EDIL3: variants seen among roughly 807,000 people sequenced by gnomAD.
EDIL3 encodes EGF-like repeat and discoidin I-like domain-containing protein 3.
EDIL3 carries 37 observed loss-of-function variants against 67.4 expected under a neutral mutation model. The ratio of observed to expected loss-of-function variants is 0.55; its 90% CI spans 0.42 to 0.72. The LOEUF (loss-of-function observed/expected upper bound fraction) is 0.72. EDIL3 is among the 30% of genes least tolerant of loss of function. The pLI, the probability that EDIL3 is intolerant of heterozygous loss-of-function variation, is 0.00. For missense variants in EDIL3, 527 were observed against 586.3 expected (o/e 0.90, Z 1.04); for synonymous variants, 195 against 196.3 (o/e 0.99, Z 0.05).
At chr5:84,017,716 T>C (rs193113136) in intron 9 of EDIL3, among the ~76,000 whole-genome samples, 101 of 152,342 alleles carry the variant, frequency 6.6e-4, no homozygotes, top group Admixed American at 2.2e-3. Context: ...CAATATGACA[T>C]GAATTACAAA....
At chr5:84,204,038 C>A (rs947407328) in intron 3 of EDIL3, among the ~76,000 whole-genome samples, 2 of 152,094 alleles carry the variant, frequency 1.3e-5, no homozygotes, top group Admixed American at 1.3e-4. Flanking sequence ...TTGTTTTGTA[C>A]TTGTATTACT....
intron 9 of EDIL3, among the ~76,000 whole-genome samples, chr5:84,017,443 T>TTTATGAA (rs1251634450): frequency 1.3e-5 from 2 of 152,204 alleles, no homozygotes; most frequent in Non-Finnish European, 2.9e-5. Context: ...CTGAACTTTG[T>TTTATGAA]TTATGAATTT....
At chr5:84,233,891 G>A (rs1744629966) in intron 2 of EDIL3, among the ~76,000 whole-genome samples, 1 of 152,134 alleles carries the variant, frequency 6.6e-6, no homozygotes, top group Non-Finnish European at 1.5e-5. Context: ...AGCTGATCCT[G>A]CTCAAAGGCA....
intron 9 of EDIL3, among the ~76,000 whole-genome samples, chr5:84,017,412 C>T (rs766505076): frequency 1.3e-5 from 2 of 152,144 alleles, no homozygotes; most frequent in African/African-American, 2.4e-5. Context: ...CACTCTGTGA[C>T]TTCACTAGGA....
At chr5:84,176,816 T>TATAC in intron 4 of EDIL3, among the ~76,000 whole-genome samples, 1 of 151,330 alleles carries the variant, frequency 6.6e-6, no homozygotes, top group South Asian at 2.1e-4. Context: ...TTCTATGATA[T>TATAC]ATATATATAT....
At chr5:84,292,515 C>T (rs1178650237) in intron 1 of EDIL3, among the ~76,000 whole-genome samples, 1 of 152,028 alleles carries the variant, frequency 6.6e-6, no homozygotes, top group Non-Finnish European at 1.5e-5. Flanking sequence ...AGCATATTAT[C>T]CAACCAACAG....
intron 1 of EDIL3, among the ~76,000 whole-genome samples, chr5:84,316,447 G>A (rs563990196): frequency 1.3e-4 from 19 of 151,918 alleles, no homozygotes; most frequent in African/African-American, 2.4e-4. Flanking sequence ...CAAAAAAAGC[G>A]GGGGTTGCAA....
intron 6 of EDIL3, among the ~76,000 whole-genome samples, chr5:84,092,799 A>C (rs898919561): frequency 6.6e-6 from 1 of 152,132 alleles, no homozygotes; most frequent in African/African-American, 2.4e-5. Flanking sequence ...TTGAGGAAAA[A>C]AAAAACAAAA....
chr5:84,209,476 C>G (rs1744069337), intron 3 of EDIL3, among the ~76,000 whole-genome samples: 1 of 152,064 alleles, frequency 6.6e-6, no homozygotes, highest in Admixed American at 6.6e-5. Flanking sequence ...TAAATGTATA[C>G]TTAATTATTT....
intron 1 of EDIL3, among the ~76,000 whole-genome samples, chr5:84,383,900 G>C (rs1748153596): frequency 1.3e-5 from 2 of 152,098 alleles, no homozygotes; most frequent in South Asian, 2.1e-4. Context: ...GCTGACGCCC[G>C]GGCGCACTGG....
chr5:84,322,094 AC>A (rs767707952), intron 1 of EDIL3, among the ~76,000 whole-genome samples: 1 of 151,306 alleles, frequency 6.6e-6, no homozygotes, highest in Non-Finnish European at 1.5e-5. Flanking sequence ...TAAGCAAAAC[AC>A]CCTGAAAAGG....
intron 1 of EDIL3, among the ~76,000 whole-genome samples, chr5:84,263,650 T>G (rs899898793): frequency 6.6e-6 from 1 of 152,168 alleles, no homozygotes; most frequent in African/African-American, 2.4e-5. Context: ...GGTTACAAGT[T>G]TAGTGAAGTT....
chr5:84,114,704 T>C (rs1361086171), intron 5 of EDIL3, among the ~76,000 whole-genome samples: 1 of 152,228 alleles, frequency 6.6e-6, no homozygotes. Flanking sequence ...CACGTGTACC[T>C]TAAAGAAAAG....
At chr5:84,170,774 C>CTATTT (rs998000188) in intron 4 of EDIL3, among the ~76,000 whole-genome samples, 1 of 151,810 alleles carries the variant, frequency 6.6e-6, no homozygotes, top group Admixed American at 6.6e-5. Flanking sequence ...TGAATCGGTT[C>CTATTT]TATTTTATTT....
chr5:84,072,500 A>T (rs2112247285), intron 6 of EDIL3, among the ~76,000 whole-genome samples: 1 of 152,328 alleles, frequency 6.6e-6, no homozygotes, highest in Non-Finnish European at 1.5e-5. Context: ...TATCTATGAG[A>T]CTATAAATGA....
chr5:84,314,528 A>C (rs1438777967), intron 1 of EDIL3, among the ~76,000 whole-genome samples: 1 of 152,228 alleles, frequency 6.6e-6, no homozygotes, highest in Non-Finnish European at 1.5e-5. Flanking sequence ...CAGAAATATA[A>C]GTTAAAAGGT....
intron 5 of EDIL3, among the ~76,000 whole-genome samples, chr5:84,114,148 GTTT>G (rs918208407): frequency 7.9e-4 from 87 of 109,840 alleles, no homozygotes; most frequent in African/African-American, 2.3e-3. Flanking sequence ...GAACCCTAAA[GTTT>G]TTTTTTTTTT....
intron 4 of EDIL3, among the ~76,000 whole-genome samples, chr5:84,141,951 A>C (rs202000399): frequency 1.2e-4 from 12 of 97,752 alleles, no homozygotes; most frequent in South Asian, 3.3e-4. Flanking sequence ...ATATATACAT[A>C]GATCTATCTA....
intron 1 of EDIL3, among the ~76,000 whole-genome samples, chr5:84,290,348 A>AC (rs1745889097): frequency 6.6e-6 from 1 of 151,806 alleles, no homozygotes; most frequent in Non-Finnish European, 1.5e-5. Context: ...TGCTGCCCTT[A>AC]CTCCCTCTAA....
Sources: allele counts gnomAD v4.1 joint callset (sites outside exome capture counted in the v4.1 genomes callset), GRCh38; gene constraint gnomAD v4.1.1; transcripts MANE v1.5; gene names NCBI Gene and HGNC (gene_info 2026-07-23, HGNC 2026-07-21).